The following CARS2 variants were observed in gnomAD, a reference collection of about 807,000 sequenced individuals.
The protein encoded by CARS2 is cysteinyl-tRNA synthetase 2, mitochondrial.
In CARS2, 52 loss-of-function variants were observed where a neutral mutation model predicts 68.8. The observed-to-expected ratio is 0.76, with a 90% CI of 0.61 to 0.95. The LOEUF is 0.95. Ranked by LOEUF, CARS2 falls within the 40% of genes least tolerant of loss-of-function variation. The pLI, the probability that CARS2 is intolerant of heterozygous loss-of-function variation, is 0.00. For synonymous variants in CARS2, 314 were observed against 303.6 expected (o/e 1.03, Z -0.36); for missense variants, 780 against 754.2 (o/e 1.03, Z -0.40).
At chr13:110,711,222 TTC>T (rs1453356808), upstream of CARS2, among the ~76,000 whole-genome samples, 5 of 99,120 alleles carry the variant, frequency 5.0e-5, no homozygotes, top group Admixed American at 3.5e-4. Context: ...TAGTCTTTTT[TTC>T]TCTTTTTTTC....
chr13:110,692,482 AT>A (rs1454272786), intron 3 of CARS2, among the ~76,000 whole-genome samples: 1 of 151,920 alleles, frequency 6.6e-6, no homozygotes, highest in African/African-American at 2.4e-5. Flanking sequence ...AAAAAAAAAA[AT>A]TAATAAATAA....
At chr13:110,697,635 G>T (rs570172299) in intron 3 of CARS2, among the ~76,000 whole-genome samples, 1 of 152,228 alleles carries the variant, frequency 6.6e-6, no homozygotes, top group Admixed American at 6.5e-5. Flanking sequence ...TAGAGACAGC[G>T]TTTTGCCATG....
At chr13:110,643,777 A>G (rs4771703) in intron 13 of CARS2, 26,996 of 193,228 alleles carry the variant, frequency 0.14, 2,462 homozygotes, top group Admixed American at 0.28. Flanking sequence ...TCAAATCTGT[A>G]TTGATAGAAT....
intron 3 of CARS2, among the ~76,000 whole-genome samples, chr13:110,690,473 G>T (rs1479366436): frequency 6.6e-6 from 1 of 152,142 alleles, no homozygotes; most frequent in Non-Finnish European, 1.5e-5. Context: ...TGTGCTGCTA[G>T]CTTCTCTCCC....
At chr13:110,685,309 CAA>C (rs751516381) in intron 5 of CARS2, among the ~76,000 whole-genome samples, 1 of 133,112 alleles carries the variant, frequency 7.5e-6, no homozygotes, top group African/African-American at 2.7e-5. Flanking sequence ...GACTCTGTCT[CAA>C]AAAAAAAAAA....
At chr13:110,658,204 A>G (rs969297784) in intron 9 of CARS2, among the ~76,000 whole-genome samples, 6 of 152,240 alleles carry the variant, frequency 3.9e-5, no homozygotes, top group Admixed American at 3.9e-4. Context: ...AAGGAAGGAA[A>G]TTTTGACATG....
At chr13:110,663,748 G>A in intron 8 of CARS2, 1 of 1,273,416 alleles carries the variant, frequency 7.9e-7, no homozygotes, top group Non-Finnish European at 9.9e-7. Flanking sequence ...ACTGAGAGCA[G>A]ATGGCAGGGG....
intron 1 of CARS2, chr13:110,713,091 G>C: frequency 6.9e-7 from 1 of 1,440,874 alleles, no homozygotes. Context: ...CCGCCTCCCG[G>C]AGGACTTGGG....
intron 12 of CARS2, chr13:110,645,118 G>A (rs148099447): frequency 6.5e-6 from 1 of 152,878 alleles, no homozygotes; most frequent in East Asian, 1.9e-4. Flanking sequence ...GCCCCAGCCC[G>A]GCCTGGCTGC....
At position 110,666,293 on chromosome 13, in the gene CARS2, C is replaced by T. The variant is rs369747376; in HGVS notation, c.919+1047G>A. The T allele has an allele frequency of 8.2e-5, 81 of 985,388 alleles. No individual in the cohort carries two copies. The South Asian group carries it at 2.3e-3, about 28-fold the overall frequency. 61.0% of individuals were successfully genotyped at this position (985,388 alleles called of 1,614,324 possible). Reference sequence around the variant, plus strand: ...TTCTGATTAGAAACTCCACCGACACCGGAATAAAGTGGATTTCAGCTAGTG... The same window carrying T: ...TTCTGATTAGAAACTCCACCGACACTGGAATAAAGTGGATTTCAGCTAGTG... On this transcript the variant is annotated intron_variant, in intron 8 of 14. Coordinates refer to ENST00000257347, the MANE Select transcript of CARS2 (RefSeq NM_024537.4).
At chr13:110,679,879 G>A (rs1468187913) in intron 6 of CARS2, among the ~76,000 whole-genome samples, 2 of 152,190 alleles carry the variant, frequency 1.3e-5, no homozygotes, top group Non-Finnish European at 2.9e-5. Context: ...GGCTCAATAA[G>A]GTGATGGCAG....
chr13:110,673,710 C>A (rs1444990987), intron 7 of CARS2, among the ~76,000 whole-genome samples: 1 of 151,978 alleles, frequency 6.6e-6, no homozygotes, highest in East Asian at 1.9e-4. Flanking sequence ...GAAGTTCTGG[C>A]CAGGGCAATC....
Position 110,641,474 on chromosome 13 carries a change from GC to G in CARS2, c.*62del. ...CCCCGACAGGAAGCTTTAACATAAA[GC>G]CTTGACCCTGAGAAGCATGGGTGCG... is the stretch of plus-strand genomic sequence containing the variant. On this transcript the variant is annotated 3_prime_UTR_variant, in exon 15 of 15. Transcript: ENST00000257347. 2 of 1,336,672 alleles carry G rather than the reference GC, an allele frequency of 1.5e-6. No homozygotes were observed. Among genetic ancestry groups the G allele is most frequent in the East Asian group, 2.3e-5 (1 of 43,648 alleles). The allele number at this position is 1,336,672 out of a possible 1,614,324, so 82.8% of individuals were successfully genotyped here.
intron 7 of CARS2, among the ~76,000 whole-genome samples, chr13:110,671,451 A>G (rs982789435): frequency 3.9e-5 from 6 of 152,240 alleles, no homozygotes; most frequent in African/African-American, 9.6e-5. Flanking sequence ...AGAATTTCAT[A>G]TCCAGCCAAA....
In CARS2 at chr13:110,641,553, TG is replaced by T; in HGVS notation, c.1678del (p.Gln560LysfsTer12). ...WELLDQRTKD[Q>X]KSAG ...GCTCCATCCTCAGCCCGCTGATTTT[TG>T]GTCTTTTGTCCTTTGATCCAGCAGT... is the stretch of plus-strand genomic sequence containing the variant. On this transcript the variant is annotated frameshift_variant, in exon 15 of 15. Coordinates refer to ENST00000257347, the MANE Select transcript of CARS2 (RefSeq NM_024537.4). LOFTEE classifies it high-confidence loss of function. 1 of 1,614,000 alleles carries T rather than the reference TG, an allele frequency of 6.2e-7. No individual in the cohort carries two copies. The highest frequency in any genetic ancestry group is 8.5e-7 in the Non-Finnish European group (1 of 1,179,838).
At chr13:110,642,188 CAA>C (rs1034086081) in intron 14 of CARS2, 125 bp downstream of exon 14, 55 of 738,382 alleles carry the variant, frequency 7.4e-5, no homozygotes, top group South Asian at 3.3e-4. Context: ...GCCTGGGTGA[CAA>C]GAGTGAAACT....
chr13:110,700,078 C>T (rs1383620847), intron 3 of CARS2, among the ~76,000 whole-genome samples: 2 of 152,162 alleles, frequency 1.3e-5, no homozygotes, highest in Non-Finnish European at 2.9e-5. Context: ...GTGGCCCTGC[C>T]CCTGAAGGTC....
At chr13:110,702,576 C>A (rs950484518) in intron 2 of CARS2, among the ~76,000 whole-genome samples, 3 of 152,180 alleles carry the variant, frequency 2.0e-5, no homozygotes, top group Admixed American at 6.5e-5. Context: ...GAACCTAAAG[C>A]AAATGAAAAC....
At chr13:110,701,223 C>A in intron 3 of CARS2, 1 of 379,462 alleles carries the variant, frequency 2.6e-6, no homozygotes, top group Non-Finnish European at 4.8e-6. Context: ...GCCACCACAC[C>A]TGACTAATTT....
Sources: allele counts gnomAD v4.1 joint callset (sites outside exome capture counted in the v4.1 genomes callset), GRCh38; gene constraint gnomAD v4.1.1; transcripts MANE v1.5; gene names NCBI Gene and HGNC (gene_info 2026-07-23, HGNC 2026-07-21).